The following EXO1 variants were observed in gnomAD, a reference collection of about 807,000 sequenced individuals.
EXO1 encodes the protein exonuclease 1.
In EXO1, 69 loss-of-function variants were observed where a neutral mutation model predicts 84.5. The ratio of observed to expected loss-of-function variants is 0.82; its 90% CI spans 0.67 to 1.00. The LOEUF is 1.00. EXO1 is among the 50% of genes least tolerant of loss of function. The pLI is 0.00. For missense variants in EXO1, 1,045 were observed against 1,000.7 expected (o/e 1.04, Z -0.60); for synonymous variants, 373 against 366.1 (o/e 1.02, Z -0.21).
intron 11 of EXO1, among the ~76,000 whole-genome samples, chr1:241,867,890 G>T (rs565543864): frequency 6.6e-6 from 1 of 151,906 alleles, no homozygotes; most frequent in East Asian, 1.9e-4. Context: ...AGTTGTTTTG[G>T]CTATTCTGTG....
At position 241,849,006 on chromosome 1, in the gene EXO1, CTT is replaced by C. The variant is rs1261071288; in HGVS notation, c.-140_-139del. 1.3e-5 allele frequency: 2 copies of C among 152,136 alleles called. No homozygotes were observed. The highest frequency in any genetic ancestry group is 2.9e-5 in the Non-Finnish European group (2 of 68,028). 9.4% of individuals were successfully genotyped at this position (152,136 alleles called of 1,614,324 possible). On this transcript the variant is annotated 5_prime_UTR_variant, in exon 2 of 16. The change abolishes the stop of an existing upstream ORF in the 5' untranslated region. Transcript: ENST00000366548. ...GTTTTCCTCGGAGTGAGAGAAAACTCTTTTTAGATATCATCTGAGAGGTAAGA... is the reference window on the plus strand; with the variant it reads ...GTTTTCCTCGGAGTGAGAGAAAACTCTTTAGATATCATCTGAGAGGTAAGA...
In EXO1 at chr1:241,889,737, A is replaced by G; in HGVS notation, c.*137A>G. On this transcript the variant is annotated 3_prime_UTR_variant, in exon 16 of 16. Transcript: ENST00000366548. The stretch of plus-strand genomic sequence containing the variant: ...TTTAAAAATAGAATACATTTTGTAT[A>G]TTAACTTTATAATTGGGTTGTGGTT... The G allele has an allele frequency of 1.2e-6, 1 of 849,038 alleles. No homozygotes were observed. The highest frequency in any genetic ancestry group is 1.5e-5 in the South Asian group (1 of 68,484). The allele number at this position is 849,038 out of a possible 1,614,324, so 52.6% of individuals were successfully genotyped here.
intron 11 of EXO1, among the ~76,000 whole-genome samples, chr1:241,868,427 C>T (rs930875176): frequency 3.3e-5 from 5 of 151,114 alleles, no homozygotes; most frequent in African/African-American, 1.2e-4. Context: ...GGTTATTCTC[C>T]AAAGCTGCAG....
At chr1:241,863,706 C>G (rs1039373023) in intron 10 of EXO1, among the ~76,000 whole-genome samples, 2 of 152,218 alleles carry the variant, frequency 1.3e-5, no homozygotes, top group Non-Finnish European at 1.5e-5. Context: ...AAACCTTACA[C>G]TCAGGTTGCT....
At chr1:241,853,135 T>TTG (rs139745272) in intron 5 of EXO1, among the ~76,000 whole-genome samples, 2,481 of 151,590 alleles carry the variant, frequency 0.016, 19 homozygotes, top group Middle Eastern at 0.034. Context: ...AATGGTAATC[T>TTG]TGTGTGTGTG....
chr1:241,848,990 G>A lies in EXO1; in HGVS notation c.-160G>A, dbSNP rs1306661577. 1.3e-5 allele frequency: 2 copies of A among 152,178 alleles called. No individual in the cohort carries two copies. Among genetic ancestry groups the A allele is most frequent in the Admixed American group, 1.3e-4 (2 of 15,278 alleles). The allele number at this position is 152,178 out of a possible 1,614,324, so 9.4% of individuals were successfully genotyped here. A position where few individuals can be genotyped will look rare whatever the true frequency, so the allele number is the denominator to read the frequency against. On this transcript the variant is annotated 5_prime_UTR_variant, in exon 2 of 16. Coordinates refer to ENST00000366548, the MANE Select transcript of EXO1 (RefSeq NM_130398.4). The surrounding 1 kb of genome is among the most constrained non-coding windows in gnomAD (Gnocchi z 4.2). Reference sequence around the variant, plus strand: ...ATGAACTATTATATCCGTTTTCCTCGGAGTGAGAGAAAACTCTTTTTAGAT... The same window carrying A: ...ATGAACTATTATATCCGTTTTCCTCAGAGTGAGAGAAAACTCTTTTTAGAT...
intron 6 of EXO1, among the ~76,000 whole-genome samples, chr1:241,855,083 A>G (rs554229607): frequency 6.6e-6 from 1 of 152,290 alleles, no homozygotes; most frequent in African/African-American, 2.4e-5. Flanking sequence ...TATTGCAAAG[A>G]GCGAAAGAAC....
intron 4 of EXO1, among the ~76,000 whole-genome samples, chr1:241,851,764 G>A (rs193267749): frequency 5.3e-4 from 80 of 152,058 alleles, no homozygotes; most frequent in Non-Finnish European, 1.0e-3. Context: ...ACCTCTTCCC[G>A]CAGAACTGGT....
chr1:241,864,865 C>G (rs1255031598), intron 10 of EXO1, among the ~76,000 whole-genome samples: 1 of 150,358 alleles, frequency 6.7e-6, no homozygotes, highest in Admixed American at 6.6e-5. Flanking sequence ...CAGTATTTAT[C>G]ATTTCTTTCT....
chr1:241,860,156 G>A lies in EXO1; in HGVS notation c.757-361G>A, dbSNP rs542102668. 5.3e-5 allele frequency among the ~76,000 whole-genome samples: 8 copies of A among 152,130 alleles called. No individual in the cohort carries two copies. The South Asian group carries it at 1.7e-3, about 32-fold the overall frequency. On this transcript the variant is annotated intron_variant, in intron 8 of 15. Transcript: ENST00000366548. ...TTAAAAATATGATCTAGAAATATTTGCATTTTTTTAATTCTCAGATTTTGG... is the reference window on the plus strand; with the variant it reads ...TTAAAAATATGATCTAGAAATATTTACATTTTTTTAATTCTCAGATTTTGG...
At chr1:241,853,083 A>G (rs929766606) in intron 5 of EXO1, among the ~76,000 whole-genome samples, 1 of 152,186 alleles carries the variant, frequency 6.6e-6, no homozygotes, top group African/African-American at 2.4e-5. Flanking sequence ...TATCTTCGTT[A>G]CTACATTTTC....
Position 241,878,750 on chromosome 1 carries a change from T to G in EXO1, c.1516T>G (p.Phe506Val). Residue 506 changes from phenylalanine (F) to valine (V), a missense_variant and splice_region_variant, in exon 13 of 16, where the codon TTT becomes GTT. Transcript: ENST00000366548. The stretch of plus-strand genomic sequence containing the variant: ...TGTTTCTATTGCTTTTTTTATTAGG[T>G]TTTTTTGCAGTTCAGATTCTACTGA... Reference protein sequence around the residue: ...AVVVPGTRSRFFCSSDSTDCV... With the variant: ...AVVVPGTRSRVFCSSDSTDCV... 4 of 1,597,408 alleles carry G rather than the reference T, an allele frequency of 2.5e-6. No individual in the cohort carries two copies. Among genetic ancestry groups the G allele is most frequent in the Non-Finnish European group, 3.4e-6 (4 of 1,167,364 alleles).
chr1:241,881,702 A>G (rs527372745), intron 13 of EXO1, among the ~76,000 whole-genome samples: 1 of 152,290 alleles, frequency 6.6e-6, no homozygotes, highest in East Asian at 1.9e-4. Context: ...TTTTAAATAG[A>G]TATTTTATAT....
At chr1:241,878,718 T>TA in intron 12 of EXO1, 31 bp from the exon 13 acceptor site, 1 of 1,367,762 alleles carries the variant, frequency 7.3e-7, no homozygotes, top group Non-Finnish European at 1.0e-6. Context: ...TACTCATACT[T>TA]ACTTATTGTT....
chr1:241,863,709 AG>A (rs1661536946), intron 10 of EXO1, among the ~76,000 whole-genome samples: 1 of 152,230 alleles, frequency 6.6e-6, no homozygotes, highest in African/African-American at 2.4e-5. Flanking sequence ...CCTTACACTC[AG>A]GTTGCTATTC....
intron 10 of EXO1, among the ~76,000 whole-genome samples, chr1:241,865,350 T>TA (rs896959816): frequency 1.2e-4 from 19 of 152,112 alleles, no homozygotes; most frequent in African/African-American, 4.6e-4. Flanking sequence ...TAGCTGGAAT[T>TA]ACATGCATGT....
At chr1:241,875,410 C>T (rs909577309) in intron 12 of EXO1, among the ~76,000 whole-genome samples, 3 of 152,198 alleles carry the variant, frequency 2.0e-5, no homozygotes, top group Non-Finnish European at 4.4e-5. Flanking sequence ...AGTCTCACCT[C>T]GGGTGATGTT....
intron 13 of EXO1, 54 bp downstream of exon 13, chr1:241,879,397 A>G (rs2148512453): frequency 9.1e-7 from 1 of 1,093,114 alleles, no homozygotes; most frequent in Non-Finnish European, 1.4e-6. Context: ...GAAAAAATAG[A>G]TTGTTGCTCA....
intron 12 of EXO1, among the ~76,000 whole-genome samples, chr1:241,878,353 C>G (rs1574176341): frequency 1.3e-5 from 2 of 152,172 alleles, no homozygotes; most frequent in East Asian, 3.9e-4. Flanking sequence ...ACAAAATTAG[C>G]CAGCATGGTG....
Sources: gnomAD v4.1 joint callset for allele counts (sites outside exome capture counted in the v4.1 genomes callset) on GRCh38, gnomAD v4.1.1 for gene constraint, Gnocchi (gnomAD v3.1) non-coding constraint, MANE v1.5 for transcripts, NCBI Gene and HGNC (gene_info 2026-07-23, HGNC 2026-07-21) for gene names.